DSCAM: variants seen among roughly 807,000 people sequenced by gnomAD.
The protein encoded by DSCAM is cell adhesion molecule DSCAM.
A neutral mutation model predicts 217.7 loss-of-function variants in DSCAM; 47 were observed. That is an observed-to-expected ratio of 0.22 (90% CI 0.17 to 0.28). The LOEUF (loss-of-function observed/expected upper bound fraction) is 0.28. Ranked by LOEUF, DSCAM falls within the 10% of genes least tolerant of loss-of-function variation. The pLI, the probability that DSCAM is intolerant of heterozygous loss-of-function variation, is 1.00. For missense variants in DSCAM, 2,080 were observed against 2,618.3 expected (o/e 0.79, Z 4.49); for synonymous variants, 1,056 against 1,015.3 (o/e 1.04, Z -0.76).
chr21:40,569,487 G>A (rs1170966552), intron 3 of DSCAM, among the ~76,000 whole-genome samples: 1 of 152,180 alleles, frequency 6.6e-6, no homozygotes, highest in Non-Finnish European at 1.5e-5. Context: ...GAAGAAAATT[G>A]CTCCTGTGAA....
At chr21:40,838,474 T>A (rs753602970) in intron 1 of DSCAM, among the ~76,000 whole-genome samples, 3 of 152,232 alleles carry the variant, frequency 2.0e-5, no homozygotes, top group Non-Finnish European at 4.4e-5. Flanking sequence ...CCTCAGGTCA[T>A]CAAGGTCAAC....
At chr21:40,044,890 G>A (rs773413724) in intron 30 of DSCAM, among the ~76,000 whole-genome samples, 5 of 152,232 alleles carry the variant, frequency 3.3e-5, no homozygotes, top group South Asian at 2.1e-4. Context: ...CGTGAATCAC[G>A]TCCCCCCAAA....
At chr21:40,627,329 G>C (rs531041393) in intron 3 of DSCAM, among the ~76,000 whole-genome samples, 3 of 152,292 alleles carry the variant, frequency 2.0e-5, no homozygotes, top group Admixed American at 2.0e-4. Flanking sequence ...ATTAGAACTT[G>C]TGGAATAGGC....
intron 20 of DSCAM, among the ~76,000 whole-genome samples, chr21:40,106,163 G>A (rs2089817075): frequency 6.6e-6 from 1 of 152,112 alleles, no homozygotes; most frequent in South Asian, 2.1e-4. Flanking sequence ...CAGGGGAACT[G>A]CTCTTTATAA....
chr21:40,601,010 G>T (rs2077057793), intron 3 of DSCAM, among the ~76,000 whole-genome samples: 1 of 152,080 alleles, frequency 6.6e-6, no homozygotes, highest in African/African-American at 2.4e-5. Context: ...CCTATTCTAG[G>T]TCTTTTAGCT....
rs60331262 is a variant in DSCAM at position 40,326,368 on chromosome 21, A to G, written c.1783+11733T>C. Among the ~76,000 whole-genome samples, 962 of 152,322 alleles carry G rather than the reference A, an allele frequency of 6.3e-3. 12 individuals are homozygous for G. Among genetic ancestry groups the G allele is most frequent in the African/African-American group, 0.022 (914 of 41,570 alleles). On this transcript the variant is annotated intron_variant, in intron 8 of 32. Coordinates refer to ENST00000400454, the MANE Select transcript of DSCAM (RefSeq NM_001389.5). ...CTCTCATTCCCCTCTTTTATTCATT[A>G]GAAAATGCCCAGAGGGCTATGTTTC...
chr21:40,138,647 TG>T (rs141906939), intron 18 of DSCAM, among the ~76,000 whole-genome samples: 7,159 of 129,538 alleles, frequency 0.055, 243 homozygotes, highest in Non-Finnish European at 0.082. Flanking sequence ...TACGTGTGTG[TG>T]GGGGGTGTGT....
At chr21:40,278,640 G>C (rs1012474595) in intron 10 of DSCAM, among the ~76,000 whole-genome samples, 1 of 152,012 alleles carries the variant, frequency 6.6e-6, no homozygotes, top group Admixed American at 6.6e-5. Flanking sequence ...GCTCTGGGAG[G>C]CTGAGGTGGG....
chr21:40,396,775 C>G (rs779683000), intron 3 of DSCAM, among the ~76,000 whole-genome samples: 1 of 152,098 alleles, frequency 6.6e-6, no homozygotes, highest in Non-Finnish European at 1.5e-5. Flanking sequence ...GCCCAACTGT[C>G]CTATAGAATT....
chr21:40,621,974 A>AG (rs2089525178), intron 3 of DSCAM, among the ~76,000 whole-genome samples: 1 of 150,880 alleles, frequency 6.6e-6, no homozygotes, highest in Non-Finnish European at 1.5e-5. Context: ...GAAAGGAGGG[A>AG]GGGGAAAAAA....
At chr21:40,026,787 CCTGAATACAGCACACTGATGGGTCTT>C (rs1272359186) in intron 32 of DSCAM, among the ~76,000 whole-genome samples, 1 of 129,688 alleles carries the variant, frequency 7.7e-6, no homozygotes, top group East Asian at 2.5e-4. Flanking sequence ...AGATGGGTCT[CCTGAATACAGCACACTGATGGGTCTT>C]GACTCTTTCT....
At chr21:40,435,512 TAATA>T (rs2145904230) in intron 3 of DSCAM, among the ~76,000 whole-genome samples, 1 of 138,312 alleles carries the variant, frequency 7.2e-6, no homozygotes, top group Non-Finnish European at 1.6e-5. Context: ...GTTTAAAAAT[TAATA>T]AATAATACAA....
intron 3 of DSCAM, among the ~76,000 whole-genome samples, chr21:40,428,927 T>C (rs10483067): frequency 0.072 from 10,967 of 152,146 alleles, 444 homozygotes; most frequent in Middle Eastern, 0.11. Flanking sequence ...ATGAAAACTT[T>C]GCATTTTAGG....
At chr21:40,452,402 G>A (rs1227884330) in intron 3 of DSCAM, among the ~76,000 whole-genome samples, 9 of 151,794 alleles carry the variant, frequency 5.9e-5, no homozygotes, top group Admixed American at 2.6e-4. Context: ...CGTGTGCATC[G>A]GGACATAAAG....
Position 40,503,741 on chromosome 21 carries a change from T to G in DSCAM, c.509-134496A>C, listed in dbSNP as rs566143116. ...CCCAGGGTCCTATTTTCTCTGGATTTCTCAAGCCACAAAGATTAAGATCTA... is the reference window on the plus strand; with the variant it reads ...CCCAGGGTCCTATTTTCTCTGGATTGCTCAAGCCACAAAGATTAAGATCTA... On this transcript the variant is annotated intron_variant, in intron 3 of 32. Transcript: ENST00000400454. Among the ~76,000 whole-genome samples, 4 of 152,364 alleles carry G rather than the reference T, an allele frequency of 2.6e-5. No homozygotes were observed. In the South Asian group the frequency reaches 8.3e-4, roughly 32 times the overall value.
intron 2 of DSCAM, among the ~76,000 whole-genome samples, chr21:40,705,973 G>C (rs1028796728): frequency 2.6e-5 from 4 of 152,096 alleles, no homozygotes; most frequent in Admixed American, 6.5e-5. Flanking sequence ...GAGGTCAGGA[G>C]ATGGAGACCA....
intron 3 of DSCAM, among the ~76,000 whole-genome samples, chr21:40,636,623 G>A (rs533786130): frequency 6.6e-6 from 1 of 151,924 alleles, no homozygotes; most frequent in African/African-American, 2.4e-5. Context: ...CATCACTCAG[G>A]CTCAGAGGAA....
chr21:40,033,483 G>C (rs56089630), intron 32 of DSCAM, among the ~76,000 whole-genome samples: 24 of 151,956 alleles, frequency 1.6e-4, no homozygotes, highest in Admixed American at 1.6e-3. Flanking sequence ...AAAACACGGC[G>C]CACCACGAGA....
chr21:40,173,750 C>T lies in DSCAM; in HGVS notation c.2947+5177G>A, dbSNP rs145527587. ...TTCTTCCAGATCACAGCTGCTGCCC[C>T]GGAATGGGAGGAAAGATGAGGCAAG... On this transcript the variant is annotated intron_variant, in intron 15 of 32. Transcript: ENST00000400454. 4.5e-4 allele frequency among the ~76,000 whole-genome samples: 68 copies of T among 152,228 alleles called. No homozygotes were observed. The East Asian group carries it at 0.01, about 23-fold the overall frequency.
Sources: allele counts gnomAD v4.1 joint callset (sites outside exome capture counted in the v4.1 genomes callset), GRCh38; gene constraint gnomAD v4.1.1; transcripts MANE v1.5; gene names NCBI Gene and HGNC (gene_info 2026-07-23, HGNC 2026-07-21).